Variants in MRTFA observed in about 807,000 individuals in gnomAD.
MRTFA encodes myocardin-related transcription factor A.
MRTFA carries 20 observed loss-of-function variants against 83.5 expected under a neutral mutation model. That is an observed-to-expected ratio of 0.24 (90% CI 0.17 to 0.35). The LOEUF (loss-of-function observed/expected upper bound fraction) is 0.35. MRTFA is among the 10% of genes least tolerant of loss of function. The probability of loss-of-function intolerance (pLI) is 1.00; values close to 1 mark genes in which losing one functional copy is unlikely to be tolerated. For synonymous variants in MRTFA, 659 were observed against 541.2 expected (o/e 1.22, Z -3.02); for missense variants, 1,200 against 1,224.7 (o/e 0.98, Z 0.30).
chr22:40,607,367 GC>G (rs2056330158), intron 1 of MRTFA, among the ~76,000 whole-genome samples: 1 of 152,170 alleles, frequency 6.6e-6, no homozygotes, highest in Non-Finnish European at 1.5e-5. Flanking sequence ...AGCAGGGCAT[GC>G]TGGTGGGCGC....
At chr22:40,524,357 C>A (rs1195251105) in intron 3 of MRTFA, among the ~76,000 whole-genome samples, 1 of 152,152 alleles carries the variant, frequency 6.6e-6, no homozygotes, top group Non-Finnish European at 1.5e-5. Context: ...CCATTTTATG[C>A]CTACAACAAA....
rs760204338 is a variant in MRTFA at position 40,418,932 on chromosome 22, G to T, written c.1806C>A (p.Gly602=). ...TCAGGCAACAGGACCCGGCCCGGGG[G>T]CCCTCCTCCTTCACGAGGATCTGCA... is the stretch of plus-strand genomic sequence containing the variant. The change falls in exon 12 of 15, where the codon GGC becomes GGA. Residue 602 remains glycine, a synonymous_variant. Coordinates refer to ENST00000355630, the MANE Select transcript of MRTFA (RefSeq NM_020831.6). 9 of 1,612,806 alleles carry T rather than the reference G, an allele frequency of 5.6e-6. No individual in the cohort carries two copies. The highest frequency in any genetic ancestry group is 7.6e-6 in the Non-Finnish European group (9 of 1,179,934).
intron 2 of MRTFA, among the ~76,000 whole-genome samples, chr22:40,589,668 C>T (rs956378380): frequency 6.6e-6 from 1 of 152,178 alleles, no homozygotes; most frequent in Non-Finnish European, 1.5e-5. Context: ...TTCCTTATGA[C>T]CCAAGGAAAA....
intron 4 of MRTFA, among the ~76,000 whole-genome samples, chr22:40,461,480 C>T (rs2053710789): frequency 6.6e-6 from 1 of 151,436 alleles, no homozygotes; most frequent in Non-Finnish European, 1.5e-5. Context: ...TAGCAAGACC[C>T]CATCTCTTAA....
At chr22:40,459,624 T>C (rs1320383446) in intron 4 of MRTFA, among the ~76,000 whole-genome samples, 1 of 151,874 alleles carries the variant, frequency 6.6e-6, no homozygotes, top group East Asian at 1.9e-4. Context: ...TCAAACTCCA[T>C]GCCCAGAATT....
chr22:40,612,300 C>T (rs933995175), intron 1 of MRTFA, among the ~76,000 whole-genome samples: 3 of 152,140 alleles, frequency 2.0e-5, no homozygotes, highest in South Asian at 2.1e-4. Flanking sequence ...AGTTAGGAAA[C>T]GGCAAGAGAA....
At chr22:40,634,613 G>T (rs933802367) in intron 1 of MRTFA, among the ~76,000 whole-genome samples, 1 of 152,144 alleles carries the variant, frequency 6.6e-6, no homozygotes, top group African/African-American at 2.4e-5. Flanking sequence ...AGCTCCTCAT[G>T]AGCAGGGACC....
chr22:40,584,480 T>C (rs186747026), intron 2 of MRTFA, among the ~76,000 whole-genome samples: 8 of 152,346 alleles, frequency 5.3e-5, no homozygotes, highest in Admixed American at 4.6e-4. Context: ...CTTGCGCCTA[T>C]AATCCCAGCA....
At chr22:40,554,819 C>A (rs1171297031) in intron 2 of MRTFA, among the ~76,000 whole-genome samples, 4 of 152,232 alleles carry the variant, frequency 2.6e-5, no homozygotes, top group African/African-American at 7.2e-5. Flanking sequence ...GGTAGAGCCA[C>A]CAGCAGCATG....
intron 3 of MRTFA, among the ~76,000 whole-genome samples, chr22:40,532,529 T>TA (rs2055100420): frequency 6.6e-6 from 1 of 152,196 alleles, no homozygotes; most frequent in African/African-American, 2.4e-5. Flanking sequence ...ACATAGCCTA[T>TA]ATGCATAAAA....
chr22:40,423,738 C>T, intron 8 of MRTFA, 53 bp from the exon 9 acceptor site: 1 of 1,454,620 alleles, frequency 6.9e-7, no homozygotes, highest in South Asian at 1.4e-5. Flanking sequence ...TAGGGTGTGC[C>T]CAGCCTGCCC....
In MRTFA at chr22:40,420,941, G is replaced by A. The variant is rs2052823354; in HGVS notation, c.1087C>T (p.Leu363=). The change falls in exon 10 of 15, where the codon CTG becomes TTG. Residue 363 remains leucine (L), a synonymous_variant. Coordinates refer to ENST00000355630, the MANE Select transcript of MRTFA (RefSeq NM_020831.6). ...TGGAGGAAGAGCTGCTGCTGCTGCA[G>A]GATCTTGGCGTAGGATGAGTCCATG... 2 of 1,614,164 alleles carry A rather than the reference G, an allele frequency of 1.2e-6. No homozygotes were observed. Among genetic ancestry groups the A allele is most frequent in the East Asian group, 4.5e-5 (2 of 44,884 alleles).
chr22:40,619,032 A>C (rs2147429666), intron 1 of MRTFA, among the ~76,000 whole-genome samples: 1 of 151,846 alleles, frequency 6.6e-6, no homozygotes, highest in South Asian at 2.1e-4. Context: ...AAGAAATAAT[A>C]ATGATGGTGT....
At chr22:40,609,482 C>CAAA (rs148106089) in intron 1 of MRTFA, among the ~76,000 whole-genome samples, 775 of 69,462 alleles carry the variant, frequency 0.011, 11 homozygotes, top group South Asian at 0.017. Context: ...GTCTCTTTAA[C>CAAA]AAAAAAAAAA....
chr22:40,457,229 G>A (rs931855858), intron 4 of MRTFA, among the ~76,000 whole-genome samples: 1 of 151,984 alleles, frequency 6.6e-6, no homozygotes, highest in Non-Finnish European at 1.5e-5. Flanking sequence ...GCTGGGCGTG[G>A]TGGCCGGTCC....
At chr22:40,449,711 C>T (rs567745184) in intron 4 of MRTFA, among the ~76,000 whole-genome samples, 1 of 152,324 alleles carries the variant, frequency 6.6e-6, no homozygotes, top group East Asian at 1.9e-4. Flanking sequence ...TGAATTTTCT[C>T]AATAGCTTGA....
At chr22:40,413,307 CA>C (rs2052601593) in intron 14 of MRTFA, among the ~76,000 whole-genome samples, 1 of 150,422 alleles carries the variant, frequency 6.6e-6, no homozygotes, top group African/African-American at 2.4e-5. Flanking sequence ...AAAACAACAA[CA>C]AAAAAAGGTA....
rs979030081 is a variant in MRTFA at position 40,514,474 on chromosome 22, A to ATT, written c.241+37630_241+37631dup. 1.2e-3 allele frequency among the ~76,000 whole-genome samples: 153 copies of ATT among 129,110 alleles called. 1 individual carries two copies. Among genetic ancestry groups the ATT allele is most frequent in the African/African-American group, 3.8e-3 (133 of 35,070 alleles). The allele number at this position is 129,110 out of a possible 152,430, so 84.7% of individuals were successfully genotyped here. On this transcript the variant is annotated intron_variant, in intron 3 of 14. Coordinates refer to ENST00000355630, the MANE Select transcript of MRTFA (RefSeq NM_020831.6). The stretch of plus-strand genomic sequence containing the variant: ...CCAAAAACAAAAATGTCCCTCCTAC[A>ATT]TTTTTTTTTTTTTTTTTTGAGTCAG...
chr22:40,560,460 A>G (rs1453270066), intron 2 of MRTFA, among the ~76,000 whole-genome samples: 1 of 152,218 alleles, frequency 6.6e-6, no homozygotes, highest in African/African-American at 2.4e-5. Context: ...ATTTTGAAAG[A>G]GCCCACAGGA....
Sources: gnomAD v4.1 joint callset for allele counts (sites outside exome capture counted in the v4.1 genomes callset) on GRCh38, gnomAD v4.1.1 for gene constraint, MANE v1.5 for transcripts, NCBI Gene and HGNC (gene_info 2026-07-23, HGNC 2026-07-21) for gene names.